PISD: variants seen among roughly 807,000 people sequenced by gnomAD.
The protein encoded by PISD is phosphatidylserine decarboxylase proenzyme, mitochondrial.
A neutral mutation model predicts 43.5 loss-of-function variants in PISD; 31 were observed. The ratio of observed to expected loss-of-function variants is 0.71; its 90% CI spans 0.54 to 0.96. The LOEUF (loss-of-function observed/expected upper bound fraction) is 0.96, where lower values mean the gene tolerates loss of function less well. PISD is among the 40% of genes least tolerant of loss of function. The pLI is 0.00. For synonymous variants in PISD, 259 were observed against 228.7 expected, an observed-to-expected ratio of 1.13 and a Z score of -1.20; for missense variants, 523 against 548.4, an observed-to-expected ratio of 0.95 and a Z score of 0.46.
Position 31,621,445 on chromosome 22 carries a change from T to G in PISD, c.586A>C (p.Asn196His). 1 of 1,614,050 alleles carries G rather than the reference T, an allele frequency of 6.2e-7. No homozygotes were observed. Among genetic ancestry groups the G allele is most frequent in the Non-Finnish European group, 8.5e-7 (1 of 1,179,996 alleles). ...VISPSDGRIL[N>H]FGQVKNCEVE... The stretch of plus-strand genomic sequence containing the variant: ...TCACAGTTCTTCACCTGCCCAAAGT[T>G]GAGGATCCTTCCATCCGATGGGCTA... Residue 196 changes from asparagine to histidine, a missense_variant, in exon 5 of 8, where the codon AAC becomes CAC. Transcript: ENST00000439502.
In PISD at chr22:31,619,272, C is replaced by A; in HGVS notation, c.*340G>T. The A allele has an allele frequency of 2.8e-6, 1 of 352,196 alleles. No individual in the cohort carries two copies. Among genetic ancestry groups the A allele is most frequent in the Non-Finnish European group, 5.5e-6 (1 of 181,586 alleles). 21.8% of individuals were successfully genotyped at this position (352,196 alleles called of 1,614,324 possible). ...TGGGGGGAGGAGCAGCAAGAAAAAA[C>A]GACAACCGAGACCAACTGAAGGTTC... On this transcript the variant is annotated 3_prime_UTR_variant, in exon 8 of 8. Coordinates refer to ENST00000439502, the MANE Select transcript of PISD (RefSeq NM_001326411.2).
In PISD at chr22:31,620,633, C is replaced by G. The variant is rs774484568; in HGVS notation, c.925G>C (p.Gly309Arg). 6.2e-7 allele frequency: 1 copy of G among 1,614,242 alleles called. No homozygotes were observed. The change falls in exon 7 of 8, where the codon GGG (glycine) becomes CGG (arginine). Residue 309 changes from glycine to arginine, a missense_variant. Coordinates refer to ENST00000439502, the MANE Select transcript of PISD (RefSeq NM_001326411.2). ...GAGAAGAAGCCATGTTTCCAGTCCCCCGTCAGGACCACCCGCTCGTTATGG... is the reference window on the plus strand; with the variant it reads ...GAGAAGAAGCCATGTTTCCAGTCCCGCGTCAGGACCACCCGCTCGTTATGG... ...FCHNERVVLTGDWKHGFFSLT... is the reference protein window; with the variant it reads ...FCHNERVVLTRDWKHGFFSLT...
At chr22:31,628,238 G>A (rs1412694319) in intron 3 of PISD, 2 of 971,992 alleles carry the variant, frequency 2.1e-6, no homozygotes, top group Non-Finnish European at 2.4e-6. Context: ...GGGGCGCCTA[G>A]AGGTTGCTGC....
intron 1 of PISD, among the ~76,000 whole-genome samples, chr22:31,659,620 C>G (rs2074266073): frequency 6.6e-6 from 1 of 151,864 alleles, no homozygotes. Flanking sequence ...GAGACGGAGT[C>G]TTGCTCTGTT....
rs1363652044 is a variant in PISD at position 31,619,628 on chromosome 22, G to A, written c.1214C>T (p.Ala405Val). Residue 405 changes from alanine (A) to valine (V), a missense_variant, in exon 8 of 8, where the codon GCC becomes GTC. Ala to Val is a moderately conservative substitution (Grantham distance 64). Coordinates refer to ENST00000439502, the MANE Select transcript of PISD (RefSeq NM_001326411.2). ...KTGQKIRFGE[A>V]LGSL ...AAAGAGACTCTAGAGCGAGCCCAGG[G>A]CTTCCCCAAAGCGGATTTTCTGTCC... is the stretch of plus-strand genomic sequence containing the variant. 2 of 1,613,774 alleles carry A rather than the reference G, an allele frequency of 1.2e-6. No homozygotes were observed. The highest frequency in any genetic ancestry group is 1.7e-6 in the Non-Finnish European group (2 of 1,179,666).
In PISD at chr22:31,662,181, G is replaced by C; in HGVS notation, c.28C>G (p.Leu10Val). MATSVGHRC[L>V]GLLHGVAPWR... is the part of the protein sequence containing the mutation. Reference sequence around the variant, plus strand: ...GGCGCGACCCCGTGCAGTAATCCCAGACATCGGTGCCCCACGGACGTCGCC... The same window carrying C: ...GGCGCGACCCCGTGCAGTAATCCCACACATCGGTGCCCCACGGACGTCGCC... The change falls in exon 1 of 8, where the codon CTG (leucine) becomes GTG (valine). Residue 10 changes from leucine (L) to valine (V), a missense_variant. Coordinates refer to ENST00000439502, the MANE Select transcript of PISD (RefSeq NM_001326411.2). 1.2e-6 allele frequency: 2 copies of C among 1,605,980 alleles called. No homozygotes were observed. Among genetic ancestry groups the C allele is most frequent in the South Asian group, 2.2e-5 (2 of 91,090 alleles).
intron 6 of PISD, 23 bp downstream of exon 6, chr22:31,620,973 C>T: frequency 1.3e-6 from 2 of 1,598,142 alleles, no homozygotes; most frequent in Non-Finnish European, 8.5e-7. Flanking sequence ...AGGCAGCTCC[C>T]CCCACGCTGG....
intron 1 of PISD, among the ~76,000 whole-genome samples, chr22:31,661,206 A>G (rs979031999): frequency 1.1e-4 from 17 of 152,206 alleles, no homozygotes; most frequent in African/African-American, 4.1e-4. Context: ...ACGCTTTCAT[A>G]ACAAGACCAA....
chr22:31,625,885 C>A lies in PISD; in HGVS notation c.322-4000G>T, dbSNP rs1184344610. 6.5e-6 allele frequency: 10 copies of A among 1,548,538 alleles called. No individual in the cohort carries two copies. The East Asian group carries it at 1.9e-4, about 30-fold the overall frequency. Reference sequence around the variant, plus strand: ...CTTTGTTTTCCTCTTTCCTCCCCTTCCCCCGAGCCAGCAGATCTCCTGTGC... The same window carrying A: ...CTTTGTTTTCCTCTTTCCTCCCCTTACCCCGAGCCAGCAGATCTCCTGTGC... On this transcript the variant is annotated intron_variant, in intron 3 of 7. Transcript: ENST00000439502.
upstream of PISD, chr22:31,662,304 A>C: frequency 7.7e-7 from 1 of 1,304,676 alleles, no homozygotes. Context: ...CAATGAGAAA[A>C]GCGCGGGTTG....
intron 1 of PISD, among the ~76,000 whole-genome samples, chr22:31,658,842 A>AT (rs2074246939): frequency 8.0e-6 from 1 of 125,592 alleles, no homozygotes; most frequent in Non-Finnish European, 1.7e-5. Flanking sequence ...CAGTTGCACT[A>AT]TTTTTTCTTT....
At position 31,619,699 on chromosome 22, in the gene PISD, C is replaced by G; in HGVS notation, c.1143G>C (p.Val381=). 1 of 1,614,240 alleles carries G rather than the reference C, an allele frequency of 6.2e-7. No individual in the cohort carries two copies. Among genetic ancestry groups the G allele is most frequent in the Non-Finnish European group, 8.5e-7 (1 of 1,180,040 alleles). ...LGEFNLGSTI[V]LIFEAPKDFN... ...AGTCCTTGGGGGCCTCGAAGATGAGCACGATGGTGGAGCCCAGGTTGAACT... is the reference window on the plus strand; with the variant it reads ...AGTCCTTGGGGGCCTCGAAGATGAGGACGATGGTGGAGCCCAGGTTGAACT... Residue 381 remains valine (V), a synonymous_variant, in exon 8 of 8, where the codon GTG becomes GTC. Coordinates refer to ENST00000439502, the MANE Select transcript of PISD (RefSeq NM_001326411.2).
chr22:31,642,756 C>G (rs1189099543), intron 3 of PISD, among the ~76,000 whole-genome samples: 1 of 144,508 alleles, frequency 6.9e-6, no homozygotes, highest in Non-Finnish European at 1.5e-5. Flanking sequence ...GATCACGCCA[C>G]TGGACTCCAG....
At chr22:31,645,402 C>A (rs1238725968) in intron 3 of PISD, among the ~76,000 whole-genome samples, 2 of 151,808 alleles carry the variant, frequency 1.3e-5, no homozygotes, top group African/African-American at 2.4e-5. Flanking sequence ...CAAGGCCCTG[C>A]CTCAAATAAA....
At chr22:31,632,628 G>T (rs1390114036) in intron 3 of PISD, among the ~76,000 whole-genome samples, 1 of 152,198 alleles carries the variant, frequency 6.6e-6, no homozygotes, top group Admixed American at 6.5e-5. Flanking sequence ...GTCTGAGTGA[G>T]TGTGGGTGTG....
chr22:31,635,655 A>C (rs1301568971), intron 3 of PISD, among the ~76,000 whole-genome samples: 2 of 152,162 alleles, frequency 1.3e-5, no homozygotes, highest in African/African-American at 4.8e-5. Context: ...GACCGCTCAA[A>C]GCCATTGGAG....
rs186950160 is a variant in PISD at position 31,652,382 on chromosome 22, C to T, written c.66-1604G>A. ...CTGACCTCAAGTGATCCACCTGCCT[C>T]GGCCCGCCAAAGTGCTGGGATTACA... On this transcript the variant is annotated intron_variant, in intron 1 of 7. Coordinates refer to ENST00000439502, the MANE Select transcript of PISD (RefSeq NM_001326411.2). Among the ~76,000 whole-genome samples, 8 of 152,062 alleles carry T rather than the reference C, an allele frequency of 5.3e-5. No homozygotes were observed. In the East Asian group the frequency reaches 1.6e-3, roughly 30 times the overall value.
intron 1 of PISD, among the ~76,000 whole-genome samples, chr22:31,656,332 C>T (rs983425754): frequency 2.7e-5 from 4 of 150,690 alleles, no homozygotes; most frequent in African/African-American, 7.3e-5. Context: ...CATGACAGAG[C>T]GAGACTCTGT....
chr22:31,640,721 C>T lies in PISD; in HGVS notation c.321+7380G>A, dbSNP rs1318099047. On this transcript the variant is annotated intron_variant, in intron 3 of 7. Coordinates refer to ENST00000439502, the MANE Select transcript of PISD (RefSeq NM_001326411.2). ...TCAGCCTCCCGAGTAGCAGGGATTACAGGTGCCTGCCGCCACGCCTGGCTA... is the reference window on the plus strand; with the variant it reads ...TCAGCCTCCCGAGTAGCAGGGATTATAGGTGCCTGCCGCCACGCCTGGCTA... Among the ~76,000 whole-genome samples the T allele has an allele frequency of 7.3e-5, 11 of 149,888 alleles. 1 individual carries two copies. The South Asian group carries it at 2.1e-3, about 29-fold the overall frequency.
Sources: allele counts gnomAD v4.1 joint callset (sites outside exome capture counted in the v4.1 genomes callset), GRCh38; gene constraint gnomAD v4.1.1; transcripts MANE v1.5; gene names NCBI Gene and HGNC (gene_info 2026-07-23, HGNC 2026-07-21).